The following AP2B1 variants were observed in gnomAD, a reference collection of about 807,000 sequenced individuals.
AP2B1 encodes the protein adaptor related protein complex 2 subunit beta 1, also known as AP-2 complex subunit beta.
In AP2B1, 23 loss-of-function variants were observed where a neutral mutation model predicts 102.0. The observed-to-expected ratio is 0.23, with a 90% CI of 0.16 to 0.32. The LOEUF (loss-of-function observed/expected upper bound fraction) is 0.32. Ranked by LOEUF, AP2B1 falls within the 10% of genes least tolerant of loss-of-function variation. AP2B1 has a pLI of 1.00. For synonymous variants in AP2B1, 381 were observed against 421.2 expected, an observed-to-expected ratio of 0.90 and a Z score of 1.17; for missense variants, 541 against 1,157.4, an observed-to-expected ratio of 0.47 and a Z score of 7.73.
chr17:35,652,870 A>G (rs562299694), intron 13 of AP2B1, among the ~76,000 whole-genome samples: 1 of 152,354 alleles, frequency 6.6e-6, no homozygotes, highest in South Asian at 2.1e-4. Flanking sequence ...ATGTCAGAAG[A>G]TGACAGAATT....
chr17:35,604,958 CTG>C (rs1196520822), intron 3 of AP2B1, among the ~76,000 whole-genome samples: 1 of 152,158 alleles, frequency 6.6e-6, no homozygotes, highest in Non-Finnish European at 1.5e-5. Context: ...AGGTCTCACT[CTG>C]TCATCCAGGC....
At chr17:35,707,177 C>T (rs1295999612) in intron 18 of AP2B1, among the ~76,000 whole-genome samples, 1 of 151,774 alleles carries the variant, frequency 6.6e-6, no homozygotes, top group South Asian at 2.1e-4. Context: ...GTTGTTGAGA[C>T]GGAGTCTTGC....
intron 5 of AP2B1, among the ~76,000 whole-genome samples, chr17:35,609,086 C>T (rs1476071582): frequency 6.6e-6 from 1 of 152,220 alleles, no homozygotes; most frequent in Non-Finnish European, 1.5e-5. Context: ...TAAAGTGCTA[C>T]CTTTTTGGTC....
chr17:35,682,502 C>A (rs587705555), intron 17 of AP2B1, among the ~76,000 whole-genome samples, 193 bp from the exon 18 acceptor site: 1 of 151,982 alleles, frequency 6.6e-6, no homozygotes, highest in African/African-American at 2.4e-5. Context: ...GCCACCACGC[C>A]CGGCTAATGT....
At chr17:35,697,082 T>C (rs887681367) in intron 18 of AP2B1, among the ~76,000 whole-genome samples, 4 of 152,252 alleles carry the variant, frequency 2.6e-5, no homozygotes, top group Admixed American at 2.0e-4. Flanking sequence ...CTGCCTGTTG[T>C]TTCTCAGCAG....
intron 20 of AP2B1, among the ~76,000 whole-genome samples, chr17:35,714,923 A>G (rs1213258064): frequency 6.6e-6 from 1 of 152,160 alleles, no homozygotes; most frequent in Non-Finnish European, 1.5e-5. Flanking sequence ...GTTTCCCAGA[A>G]GGTCAAAATG....
chr17:35,592,130 CT>C (rs2142285884), intron 1 of AP2B1, among the ~76,000 whole-genome samples: 1 of 135,654 alleles, frequency 7.4e-6, no homozygotes, highest in South Asian at 2.4e-4. Context: ...GCTCTTTTTT[CT>C]TTTCTTTAAT....
chr17:35,698,149 T>G (rs1307209361), intron 18 of AP2B1, among the ~76,000 whole-genome samples: 7 of 152,242 alleles, frequency 4.6e-5, no homozygotes, highest in Non-Finnish European at 1.0e-4. Context: ...TTAGAAAGTT[T>G]ACTTTGGTGG....
At chr17:35,611,886 A>C (rs1037054240) in intron 5 of AP2B1, among the ~76,000 whole-genome samples, 1 of 152,200 alleles carries the variant, frequency 6.6e-6, no homozygotes, top group African/African-American at 2.4e-5. Flanking sequence ...AGTATATCAT[A>C]ATATTATAGT....
intron 9 of AP2B1, among the ~76,000 whole-genome samples, chr17:35,634,579 TA>T (rs2074553944): frequency 2.0e-5 from 3 of 152,232 alleles, no homozygotes; most frequent in Admixed American, 1.3e-4. Context: ...TCTTCATTAA[TA>T]AAAGATTAAC....
At chr17:35,700,221 G>T (rs1392410583) in intron 18 of AP2B1, among the ~76,000 whole-genome samples, 1 of 151,612 alleles carries the variant, frequency 6.6e-6, no homozygotes, top group Non-Finnish European at 1.5e-5. Context: ...TTCTGCTTGA[G>T]TCTCAGATGA....
chr17:35,714,252 A>G (rs1362877500), intron 20 of AP2B1, among the ~76,000 whole-genome samples: 2 of 152,180 alleles, frequency 1.3e-5, no homozygotes, highest in Non-Finnish European at 2.9e-5. Context: ...AAAAATGGAA[A>G]CACTCTTCCA....
rs990837121 is a variant in AP2B1, at chr17:35,682,646, A to C, written c.2325-49A>C. On this transcript the variant is annotated intron_variant, in intron 17 of 21. Transcript: ENST00000610402. ...GGCATGAGCCACCATGCCCAGCCTA[A>C]ATTCTGCCTCTTGATTAACCTCTGT... 2.5e-6 allele frequency: 4 copies of C among 1,582,554 alleles called. No homozygotes were observed. The African/African-American group carries it at 5.4e-5, about 21-fold the overall frequency.
At chr17:35,624,292 G>A in intron 5 of AP2B1, 105 bp from the exon 6 acceptor site, 1 of 1,016,408 alleles carries the variant, frequency 9.8e-7, no homozygotes, top group Non-Finnish European at 1.5e-6. Flanking sequence ...TTCAGGAATG[G>A]TTATGAATTG....
chr17:35,709,828 G>T (rs1164826196), intron 19 of AP2B1, among the ~76,000 whole-genome samples: 7 of 152,088 alleles, frequency 4.6e-5, no homozygotes, highest in Admixed American at 6.5e-5. Context: ...CCTTATTTAT[G>T]AATCACAATC....
chr17:35,713,677 C>A (rs2076495842), intron 20 of AP2B1: 1 of 152,226 alleles, frequency 6.6e-6, no homozygotes, highest in South Asian at 2.1e-4. Context: ...AAGTCACAGG[C>A]TTAAAGGACT....
At chr17:35,596,612 C>G (rs1356988167) in intron 2 of AP2B1, among the ~76,000 whole-genome samples, 1 of 151,790 alleles carries the variant, frequency 6.6e-6, no homozygotes, top group East Asian at 1.9e-4. Flanking sequence ...GCGGCCATGT[C>G]GCTCACTCGG....
At chr17:35,603,592 C>T (rs111804344) in intron 3 of AP2B1, among the ~76,000 whole-genome samples, 2,111 of 152,210 alleles carry the variant, frequency 0.014, 41 homozygotes, top group African/African-American at 0.048. Context: ...ATCAGGACAT[C>T]TTGGAGGATG....
intron 5 of AP2B1, among the ~76,000 whole-genome samples, chr17:35,610,690 G>A (rs773500332): frequency 6.6e-6 from 1 of 151,158 alleles, no homozygotes; most frequent in Non-Finnish European, 1.5e-5. Context: ...GGTGGATCAC[G>A]AAGTCAGGAA....
Sources: gnomAD v4.1 joint callset for allele counts (sites outside exome capture counted in the v4.1 genomes callset) on GRCh38, gnomAD v4.1.1 for gene constraint, MANE v1.5 for transcripts, NCBI Gene and HGNC (gene_info 2026-07-23, HGNC 2026-07-21) for gene names.